The following CCDC33 variants were observed in gnomAD, a reference collection of about 807,000 sequenced individuals.
CCDC33 encodes the protein coiled-coil domain containing 33.
In CCDC33, 94 loss-of-function variants were observed where a neutral mutation model predicts 91.9. The observed-to-expected ratio is 1.02, with a 90% CI of 0.87 to 1.21. The LOEUF (loss-of-function observed/expected upper bound fraction) is 1.21. Among genes scored for constraint, CCDC33 ranks in the 50% most tolerant of loss-of-function variants. CCDC33 has a pLI of 0.00. For synonymous variants in CCDC33, 396 were observed against 374.5 expected (o/e 1.06, Z -0.66); for missense variants, 940 against 935.5 (o/e 1.00, Z -0.06).
At chr15:74,256,944 G>A (rs1348958107) in intron 2 of CCDC33, among the ~76,000 whole-genome samples, 1 of 152,178 alleles carries the variant, frequency 6.6e-6, no homozygotes, top group African/African-American at 2.4e-5. Context: ...TTGTTTGACA[G>A]GAAGATCTTT....
At chr15:74,235,865 A>G (rs914566996), upstream of CCDC33, among the ~76,000 whole-genome samples, 3 of 152,160 alleles carry the variant, frequency 2.0e-5, no homozygotes, top group Non-Finnish European at 2.9e-5. Flanking sequence ...TAAAAACCCA[A>G]AAGTTTAGAA....
intron 11 of CCDC33, among the ~76,000 whole-genome samples, chr15:74,312,781 C>T (rs1018141021): frequency 1.3e-5 from 2 of 152,158 alleles, no homozygotes; most frequent in Non-Finnish European, 2.9e-5. Flanking sequence ...TGTCTCCCCC[C>T]TCAGTCTAGG....
At chr15:74,257,312 G>A (rs1297537586) in intron 2 of CCDC33, among the ~76,000 whole-genome samples, 1 of 152,254 alleles carries the variant, frequency 6.6e-6, no homozygotes, top group East Asian at 1.9e-4. Flanking sequence ...CGTCAGCATG[G>A]GGCTGGGGGA....
intron 11 of CCDC33, among the ~76,000 whole-genome samples, chr15:74,315,698 G>A (rs923310458): frequency 7.2e-5 from 11 of 152,172 alleles, no homozygotes; most frequent in Admixed American, 6.5e-4. Flanking sequence ...GGGGGAAGGC[G>A]ACTCTGTCCT....
intron 4 of CCDC33, among the ~76,000 whole-genome samples, chr15:74,267,448 C>G (rs975366551): frequency 6.6e-6 from 1 of 152,236 alleles, no homozygotes; most frequent in African/African-American, 2.4e-5. Context: ...AGGCTCCTCA[C>G]TCCAAGGTTG....
chr15:74,215,842 G>C (rs1436560040), upstream of CCDC33, among the ~76,000 whole-genome samples: 1 of 147,680 alleles, frequency 6.8e-6, no homozygotes, highest in Non-Finnish European at 1.5e-5. Flanking sequence ...CTGCACTCCA[G>C]CCTGGGCAAC....
chr15:74,292,803 G>A (rs1288827962), intron 10 of CCDC33, among the ~76,000 whole-genome samples: 1 of 152,154 alleles, frequency 6.6e-6, no homozygotes, highest in African/African-American at 2.4e-5. Context: ...GGTGGCTGGA[G>A]CAGGAATGGG....
intron 6 of CCDC33, 64 bp downstream of exon 6, chr15:74,271,858 G>T (rs2076327511): frequency 1.5e-6 from 2 of 1,368,596 alleles, no homozygotes; most frequent in Non-Finnish European, 2.1e-6. Context: ...AGGGGGTGAG[G>T]CTGTCATTGC....
chr15:74,238,409 CA>C (rs557444250), intron 1 of CCDC33, among the ~76,000 whole-genome samples: 8,537 of 66,600 alleles, frequency 0.13, 272 homozygotes, highest in African/African-American at 0.22. Flanking sequence ...AACTCCATCT[CA>C]AAAAAAAAAA....
At chr15:74,291,889 G>A (rs2059591643) in intron 10 of CCDC33, among the ~76,000 whole-genome samples, 1 of 152,228 alleles carries the variant, frequency 6.6e-6, no homozygotes, top group African/African-American at 2.4e-5. Flanking sequence ...GAGGAGTGAG[G>A]AAGGGATGTC....
At chr15:74,328,750 C>T (rs775919161) in intron 11 of CCDC33, among the ~76,000 whole-genome samples, 1 of 152,196 alleles carries the variant, frequency 6.6e-6, no homozygotes, top group Non-Finnish European at 1.5e-5. Flanking sequence ...TGCCATGCAG[C>T]AGGTGGGAGG....
intron 11 of CCDC33, among the ~76,000 whole-genome samples, chr15:74,309,772 C>T (rs556981269): frequency 2.0e-5 from 3 of 152,244 alleles, no homozygotes; most frequent in East Asian, 1.9e-4. Context: ...TGGATCTGTG[C>T]CCCACCCGTT....
exon 1 of CCDC33, chr15:74,217,273 T>C (rs899851869): frequency 1.6e-6 from 2 of 1,266,294 alleles, no homozygotes; most frequent in Non-Finnish European, 2.0e-6. Context: ...TCAGTGGCCA[T>C]GGCATTCAGG....
chr15:74,240,779 G>A (rs902985218), intron 1 of CCDC33, among the ~76,000 whole-genome samples: 2 of 152,304 alleles, frequency 1.3e-5, no homozygotes, highest in Non-Finnish European at 2.9e-5. Flanking sequence ...TTTTAGTAGA[G>A]ATGGGGTTTC....
chr15:74,318,798 G>A (rs926798125), intron 11 of CCDC33: 88 of 635,640 alleles, frequency 1.4e-4, no homozygotes, highest in Non-Finnish European at 2.2e-4. Flanking sequence ...AGAGGACCAG[G>A]GCTTTGGCCC....
intron 11 of CCDC33, among the ~76,000 whole-genome samples, chr15:74,321,213 A>G (rs943546842): frequency 6.6e-6 from 1 of 152,056 alleles, no homozygotes; most frequent in Admixed American, 6.6e-5. Flanking sequence ...TTTTAAAGAA[A>G]TGTGGTTAAT....
chr15:74,320,656 T>C (rs2060188245), intron 11 of CCDC33, among the ~76,000 whole-genome samples: 1 of 152,092 alleles, frequency 6.6e-6, no homozygotes, highest in African/African-American at 2.4e-5. Context: ...GACCCACCAG[T>C]GCCATTGCCT....
chr15:74,335,243 C>G, intron 18 of CCDC33, 155 bp downstream of exon 18: 2 of 754,034 alleles, frequency 2.7e-6, no homozygotes, highest in Non-Finnish European at 4.9e-6. Flanking sequence ...TGCTCCATTA[C>G]CAACCGAAGG....
At chr15:74,317,517 GAT>G (rs1373924711) in intron 11 of CCDC33, among the ~76,000 whole-genome samples, 2 of 152,262 alleles carry the variant, frequency 1.3e-5, no homozygotes, top group Non-Finnish European at 2.9e-5. Flanking sequence ...CAGGGGTGGA[GAT>G]TTTGAAACGG....
Sources: allele counts gnomAD v4.1 joint callset (sites outside exome capture counted in the v4.1 genomes callset), GRCh38; gene constraint gnomAD v4.1.1; transcripts MANE v1.5; gene names NCBI Gene and HGNC (gene_info 2026-07-23, HGNC 2026-07-21).